PCDHA3: variants seen among roughly 807,000 people sequenced by gnomAD.
PCDHA3 encodes protocadherin alpha 3.
Under a neutral mutation model 62.2 loss-of-function variants are expected in PCDHA3, and 41 were observed. The ratio of observed to expected loss-of-function variants is 0.66; its 90% confidence interval spans 0.51 to 0.86. The LOEUF (loss-of-function observed/expected upper bound fraction) is 0.86. PCDHA3 is among the 40% of genes least tolerant of loss of function. The pLI, the probability that PCDHA3 is intolerant of heterozygous loss-of-function variation, is 0.00. For missense variants in PCDHA3, 1,304 were observed against 1,241.2 expected (o/e 1.05, Z -0.76); for synonymous variants, 640 against 555.4 (o/e 1.15, Z -2.14).
chr5:140,966,998 C>G, intron 1 of PCDHA3: 1 of 1,604,774 alleles, frequency 6.2e-7, no homozygotes. Context: ...GGGTTGCTTG[C>G]GCATCAACCA....
At chr5:140,923,664 T>C (rs898223251) in intron 1 of PCDHA3, among the ~76,000 whole-genome samples, 1 of 152,234 alleles carries the variant, frequency 6.6e-6, no homozygotes, top group Non-Finnish European at 1.5e-5. Context: ...CTTTGGGATA[T>C]CGTTCTCTCT....
intron 1 of PCDHA3, chr5:140,927,691 G>C (rs782046420): frequency 6.2e-7 from 1 of 1,614,072 alleles, no homozygotes; most frequent in African/African-American, 1.3e-5. Flanking sequence ...GTCCAATGGG[G>C]AAGTCCAGTA....
At chr5:140,821,759 A>T in intron 1 of PCDHA3, 1 of 1,588,004 alleles carries the variant, frequency 6.3e-7, no homozygotes, top group South Asian at 1.1e-5. Flanking sequence ...AAAGCTCATA[A>T]TTGGAACGAG....
intron 1 of PCDHA3, chr5:140,860,355 TG>T (rs1218123475): frequency 1.3e-5 from 2 of 152,074 alleles, no homozygotes; most frequent in African/African-American, 2.4e-5. Context: ...CACTCCAGCC[TG>T]GATGACAAAG....
chr5:140,834,506 T>C (rs2150220079), intron 1 of PCDHA3: 63 of 1,614,028 alleles, frequency 3.9e-5, no homozygotes, highest in Admixed American at 2.2e-4. Flanking sequence ...AGGCTAAACA[T>C]GGCAACTTCG....
At chr5:140,934,901 T>C (rs1270837168) in intron 1 of PCDHA3, among the ~76,000 whole-genome samples, 1 of 152,192 alleles carries the variant, frequency 6.6e-6, no homozygotes, top group African/African-American at 2.4e-5. Flanking sequence ...CCTTTTATTT[T>C]GGAATAATTA....
intron 1 of PCDHA3, chr5:140,825,411 A>C (rs1439734521): frequency 6.8e-6 from 1 of 146,452 alleles, no homozygotes; most frequent in Non-Finnish European, 1.5e-5. Flanking sequence ...TATATATTTT[A>C]TATAATATAT....
At chr5:140,841,094 G>C in intron 1 of PCDHA3, 1 of 568,882 alleles carries the variant, frequency 1.8e-6, no homozygotes, top group Non-Finnish European at 3.0e-6. Context: ...GAAGAACCCA[G>C]ATATTGCGGA....
intron 1 of PCDHA3, among the ~76,000 whole-genome samples, chr5:140,924,825 G>A (rs1282051408): frequency 1.3e-5 from 2 of 151,514 alleles, no homozygotes; most frequent in African/African-American, 4.9e-5. Flanking sequence ...AACCTGGGAG[G>A]GGGAGGTTGC....
intron 1 of PCDHA3, chr5:140,843,157 G>T: frequency 6.3e-7 from 1 of 1,596,132 alleles, no homozygotes; most frequent in Non-Finnish European, 8.6e-7. Context: ...ATGAGCTGCA[G>T]CCAGCTGCAA....
chr5:140,871,625 A>C (rs1360108001), intron 1 of PCDHA3: 1 of 1,403,018 alleles, frequency 7.1e-7, no homozygotes, highest in Non-Finnish European at 9.4e-7. Context: ...TTAGATAACA[A>C]TGTCTGTTCA....
At chr5:140,951,685 T>C (rs1305310211) in intron 1 of PCDHA3, among the ~76,000 whole-genome samples, 4 of 152,140 alleles carry the variant, frequency 2.6e-5, no homozygotes, top group African/African-American at 9.7e-5. Flanking sequence ...GGGATTACAA[T>C]GTGACATGAG....
chr5:140,959,293 C>G (rs1554223990), intron 1 of PCDHA3, among the ~76,000 whole-genome samples: 1 of 152,088 alleles, frequency 6.6e-6, no homozygotes, highest in African/African-American at 2.4e-5. Context: ...GGGAGCATCA[C>G]TGAGCCCGGT....
chr5:140,849,816 G>C (rs2150451582), intron 1 of PCDHA3: 2 of 1,598,578 alleles, frequency 1.3e-6, no homozygotes, highest in Admixed American at 1.7e-5. Context: ...CACGGCCAGG[G>C]TGTCTGTGGA....
intron 1 of PCDHA3, among the ~76,000 whole-genome samples, chr5:140,935,834 C>G (rs1037488504): frequency 1.3e-5 from 2 of 151,624 alleles, no homozygotes; most frequent in African/African-American, 2.4e-5. Flanking sequence ...ACACATATTC[C>G]ATACTGCTTA....
chr5:140,829,740 C>T (rs2150173718), intron 1 of PCDHA3: 2 of 1,613,670 alleles, frequency 1.2e-6, no homozygotes, highest in South Asian at 1.1e-5. Context: ...AGCAACGTGA[C>T]GCTGCAGGTG....
At chr5:140,916,613 A>T (rs2077649645) in intron 1 of PCDHA3, among the ~76,000 whole-genome samples, 1 of 151,990 alleles carries the variant, frequency 6.6e-6, no homozygotes, top group Non-Finnish European at 1.5e-5. Flanking sequence ...GGGCCTCATG[A>T]CTCTACTCAA....
At chr5:140,886,860 C>T (rs1363871264) in intron 1 of PCDHA3, among the ~76,000 whole-genome samples, 1 of 151,304 alleles carries the variant, frequency 6.6e-6, no homozygotes, top group East Asian at 1.9e-4. Flanking sequence ...AAGGTCTTCC[C>T]AACTCCTATA....
Position 140,801,694 on chromosome 5 carries a change from C to T in PCDHA3, c.497C>T (p.Ser166Leu), listed in dbSNP as rs35124371. 2.5e-6 allele frequency: 4 copies of T among 1,614,116 alleles called. No individual in the cohort carries two copies. Among genetic ancestry groups the T allele is most frequent in the Admixed American group, 3.3e-5 (2 of 60,018 alleles). ...GASDADIGTN[S>L]LLTYSLDSTE... ...TCAGATGCAGATATCGGAACAAATTCGTTGTTGACTTACAGTCTTGATTCC... is the reference window on the plus strand; with the variant it reads ...TCAGATGCAGATATCGGAACAAATTTGTTGTTGACTTACAGTCTTGATTCC... Residue 166 changes from serine (S) to leucine (L), a missense_variant, in exon 1 of 4, where the codon TCG becomes TTG. Coordinates refer to ENST00000522353, the MANE Select transcript of PCDHA3 (RefSeq NM_018906.3).
Sources: allele counts gnomAD v4.1 joint callset (sites outside exome capture counted in the v4.1 genomes callset), GRCh38; gene constraint gnomAD v4.1.1; transcripts MANE v1.5; gene names NCBI Gene and HGNC (gene_info 2026-07-23, HGNC 2026-07-21).